The following CPS1 variants were observed in gnomAD, a reference collection of about 807,000 sequenced individuals.
The protein encoded by CPS1 is carbamoyl-phosphate synthase 1, also known as carbamoyl-phosphate synthase [ammonia], mitochondrial.
CPS1 carries 109 observed loss-of-function variants against 174.6 expected under a neutral mutation model. That is an observed-to-expected ratio of 0.62 (90% CI 0.53 to 0.73). The LOEUF (loss-of-function observed/expected upper bound fraction) is 0.73, where lower values mean the gene tolerates loss of function less well. CPS1 is among the 30% of genes least tolerant of loss of function. The pLI is 0.00. For synonymous variants in CPS1, 637 were observed against 632.0 expected (o/e 1.01, Z -0.12); for missense variants, 1,689 against 1,821.9 (o/e 0.93, Z 1.33).
chr2:210,668,499 G>C (rs756067271), intron 34 of CPS1, among the ~76,000 whole-genome samples: 19 of 152,162 alleles, frequency 1.2e-4, no homozygotes, highest in Non-Finnish European at 2.2e-4. Flanking sequence ...CAGACAGAAA[G>C]AAAATGTTTC....
chr2:210,605,155 A>G lies in CPS1; in HGVS notation c.1890A>G (p.Lys630=). Residue 630 remains lysine (K), a synonymous_variant, in exon 17 of 38, where the codon AAA becomes AAG. Transcript: ENST00000233072. The part of the protein sequence containing the change: ...ILVEKSVTGW[K]EIEYEVVRDA... ...TGGAGAAGTCAGTGACAGGTTGGAA[A>G]GAAATAGAATATGAAGTGGTTCGAG... 1 of 1,612,192 alleles carries G rather than the reference A, an allele frequency of 6.2e-7. No individual in the cohort carries two copies. The highest frequency in any genetic ancestry group is 8.5e-7 in the Non-Finnish European group (1 of 1,178,802).
Position 210,602,217 on chromosome 2 carries a change from A to G in CPS1, c.1723A>G (p.Lys575Glu), listed in dbSNP as rs1698750487. ...FAVESIEDAL[K>E]AADTIGYPVM... The stretch of plus-strand genomic sequence containing the variant: ...TTGTTGACAGATTGAGGATGCACTG[A>G]AGGCAGCAGACACCATTGGCTACCC... The change falls in exon 16 of 38, where the codon AAG becomes GAG. Residue 575 changes from lysine to glutamate, a missense_variant. Physicochemically the swap from Lys to Glu is moderately conservative, Grantham distance 56. Transcript: ENST00000233072. 6.2e-7 allele frequency: 1 copy of G among 1,612,284 alleles called. No homozygotes were observed. Among genetic ancestry groups the G allele is most frequent in the Non-Finnish European group, 8.5e-7 (1 of 1,179,060 alleles).
intron 11 of CPS1, chr2:210,593,281 G>T: frequency 1.0e-6 from 1 of 970,138 alleles, no homozygotes. Context: ...GCTCTCTCTC[G>T]TTCTCATGAC....
intron 21 of CPS1, among the ~76,000 whole-genome samples, chr2:210,624,321 A>G (rs1699630461): frequency 6.6e-6 from 1 of 152,116 alleles, no homozygotes; most frequent in Non-Finnish European, 1.5e-5. Context: ...AGCTGAATAT[A>G]TACTATATGT....
chr2:210,676,983 A>T (rs372676048), intron 36 of CPS1, 24 bp from the exon 37 acceptor site: 2 of 1,610,020 alleles, frequency 1.2e-6, no homozygotes, highest in Non-Finnish European at 1.7e-6. Flanking sequence ...CTTGTTGTCT[A>T]TAAGTTTTTG....
intron 11 of CPS1, among the ~76,000 whole-genome samples, chr2:210,594,050 AAAC>A (rs1341301095): frequency 6.6e-6 from 1 of 151,948 alleles, no homozygotes; most frequent in Non-Finnish European, 1.5e-5. Context: ...ATATCTAGTG[AAAC>A]AACAGAAGTA....
chr2:210,556,503 C>A, upstream of CPS1: 1 of 1,278,502 alleles, frequency 7.8e-7, no homozygotes. Flanking sequence ...GTGTTACATG[C>A]CCATGGAACA....
chr2:210,560,834 A>C (rs574879959), intron 1 of CPS1, among the ~76,000 whole-genome samples: 1 of 152,292 alleles, frequency 6.6e-6, no homozygotes, highest in Non-Finnish European at 1.5e-5. Flanking sequence ...TAGATGTAAG[A>C]GTGGGGATGG....
intron 22 of CPS1, among the ~76,000 whole-genome samples, chr2:210,638,420 G>T (rs1324849641): frequency 1.3e-5 from 2 of 152,036 alleles, no homozygotes; most frequent in Non-Finnish European, 2.9e-5. Context: ...TTAATGGAAG[G>T]GATGTCTTAG....
chr2:210,500,049 G>T (rs1466343641), intron 1 of CPS1, among the ~76,000 whole-genome samples: 1 of 152,074 alleles, frequency 6.6e-6, no homozygotes, highest in Admixed American at 6.5e-5. Context: ...TCACAGGGTG[G>T]CAGGAGAGAG....
intron 1 of CPS1, among the ~76,000 whole-genome samples, chr2:210,507,435 A>G (rs903048539): frequency 5.9e-5 from 9 of 152,242 alleles, no homozygotes; most frequent in African/African-American, 2.2e-4. Context: ...GCCAAATTGT[A>G]AAGACCAGCG....
At chr2:210,592,982 A>G in intron 11 of CPS1, 26 bp downstream of exon 11, 2 of 1,584,814 alleles carry the variant, frequency 1.3e-6, no homozygotes, top group Non-Finnish European at 1.7e-6. Context: ...GAGGCCTATT[A>G]TGTATGCAAA....
At position 210,512,981 on chromosome 2, in the gene CPS1, TGG is replaced by T. The variant is rs1559056261; in HGVS notation, c.3+35216_3+35217del. On this transcript the variant is annotated intron_variant, in intron 1 of 38. Coordinates refer to the CPS1 transcript ENST00000430249. ...ATATATATATGGAGATATATATATA[TGG>T]AGAGATATATATATGGAGATATATA... 2.5e-3 allele frequency among the ~76,000 whole-genome samples: 66 copies of T among 26,168 alleles called. 12 individuals carry two copies. The highest frequency in any genetic ancestry group is 4.8e-3 in the African/African-American group (62 of 12,828). 17.2% of individuals were successfully genotyped at this position (26,168 alleles called of 152,430 possible). A position where few individuals can be genotyped will look rare whatever the true frequency, so the allele number is the denominator to read the frequency against.
chr2:210,608,291 C>A (rs964755063), intron 18 of CPS1, 70 bp from the exon 19 acceptor site: 2 of 1,443,226 alleles, frequency 1.4e-6, no homozygotes, highest in African/African-American at 2.8e-5. Flanking sequence ...TAAGAAAGAC[C>A]AATTTATGTT....
In CPS1 at chr2:210,616,506, T is replaced by C. The variant is rs372620072; in HGVS notation, c.2652T>C (p.Ile884=). 3.1e-6 allele frequency: 5 copies of C among 1,611,386 alleles called. No individual in the cohort carries two copies. The African/African-American group carries it at 6.7e-5, about 22-fold the overall frequency. Residue 884 remains isoleucine (I), a synonymous_variant, in exon 21 of 38, where the codon ATT becomes ATC. Coordinates refer to ENST00000233072, the MANE Select transcript of CPS1 (RefSeq NM_001875.5). ...GGTTTTTGTATAAGATGCGTGATATTTTAAACATGGAAAAGACACTGAAAG... is the reference window on the plus strand; with the variant it reads ...GGTTTTTGTATAAGATGCGTGATATCTTAAACATGGAAAAGACACTGAAAG... ...DKWFLYKMRD[I]LNMEKTLKGL...
Position 210,656,620 on chromosome 2 carries a change from G to A in CPS1, c.3654G>A (p.Gly1218=), listed in dbSNP as rs772496161. 3 of 1,612,270 alleles carry A rather than the reference G, an allele frequency of 1.9e-6. No individual in the cohort carries two copies. The highest frequency in any genetic ancestry group is 1.7e-5 in the Admixed American group (1 of 59,930). Residue 1218 remains glycine, a synonymous_variant, in exon 30 of 38, where the codon GGG becomes GGA. Coordinates refer to ENST00000233072, the MANE Select transcript of CPS1 (RefSeq NM_001875.5). ...TGCCCACACAAACCATCAGCCAAGG[G>A]GCCATTGAAAAGGTCATCATTTATA... ...LMLPTQTISQ[G]AIEKVKDATR... is the part of the protein sequence containing the mutation.
At chr2:210,510,111 A>G (rs1397136974) in intron 1 of CPS1, among the ~76,000 whole-genome samples, 1 of 152,164 alleles carries the variant, frequency 6.6e-6, no homozygotes, top group Non-Finnish European at 1.5e-5. Context: ...GCATCACACT[A>G]CCTGACTTCA....
intron 1 of CPS1, among the ~76,000 whole-genome samples, chr2:210,477,954 T>C (rs1694444910): frequency 6.6e-6 from 1 of 152,238 alleles, no homozygotes; most frequent in East Asian, 1.9e-4. Flanking sequence ...CAAGGCAGGA[T>C]GGTAATTGTA....
intron 21 of CPS1, among the ~76,000 whole-genome samples, chr2:210,629,737 G>A (rs1336386763): frequency 7.9e-5 from 12 of 151,802 alleles, no homozygotes; most frequent in Non-Finnish European, 1.6e-4. Flanking sequence ...AGGGCAGAGA[G>A]AGAGTCATTG....
Sources: allele counts gnomAD v4.1 joint callset (sites outside exome capture counted in the v4.1 genomes callset), GRCh38; gene constraint gnomAD v4.1.1; transcripts MANE v1.5; gene names NCBI Gene and HGNC (gene_info 2026-07-23, HGNC 2026-07-21).